SCUBE2: variants seen among roughly 807,000 people sequenced by gnomAD.
The protein encoded by SCUBE2 is signal peptide, CUB and EGF-like domain-containing protein 2.
SCUBE2 carries 114 observed loss-of-function variants against 125.9 expected under a neutral mutation model. That is an observed-to-expected ratio of 0.91 (90% CI 0.78 to 1.06). The LOEUF (loss-of-function observed/expected upper bound fraction) is 1.06. Among genes scored for constraint, SCUBE2 ranks in the 50% least tolerant of loss-of-function variants. The probability of loss-of-function intolerance (pLI) is 0.00; values close to 1 mark genes in which losing one functional copy is unlikely to be tolerated. For missense variants in SCUBE2, 1,255 were observed against 1,301.8 expected, an observed-to-expected ratio of 0.96 and a Z score of 0.55; for synonymous variants, 459 against 492.9, an observed-to-expected ratio of 0.93 and a Z score of 0.91.
chr11:9,033,654 T>G lies in SCUBE2; in HGVS notation c.2145A>C (p.Pro715=). The change falls in exon 17 of 23, where the codon CCA becomes CCC. Residue 715 remains proline, a synonymous_variant. Transcript: ENST00000649792. The part of the protein sequence containing the change: ...RPGNSGALKT[P]EAWNMSECGG... ...CACATTCAGACATATTCCAAGCTTC[T>G]GGGGTCTTCAGGGCCCCAGAATTTC... The G allele has an allele frequency of 1.2e-6, 2 of 1,614,152 alleles. No homozygotes were observed. Among genetic ancestry groups the G allele is most frequent in the South Asian group, 1.1e-5 (1 of 91,082 alleles).
At position 9,040,551 on chromosome 11, in the gene SCUBE2, CACAGCATGGGTACGT is replaced by C. The variant is rs1857133021; in HGVS notation, c.2003-6770_2003-6756del. 2.1e-4 allele frequency among the ~76,000 whole-genome samples: 5 copies of C among 24,030 alleles called. No individual in the cohort carries two copies. In the South Asian group the frequency reaches 6.8e-3, roughly 33 times the overall value. 15.8% of individuals were successfully genotyped at this position (24,030 alleles called of 152,430 possible). A position where few individuals can be genotyped will look rare whatever the true frequency, so the allele number is the denominator to read the frequency against. ...TATCCCAGGCAGGATGGGGAGGGTA[CACAGCATGGGTACGT>C]AGGAGAAAGGGAGGATTCATATCCC... On this transcript the variant is annotated intron_variant, in intron 16 of 22. Transcript: ENST00000649792.
intron 16 of SCUBE2, among the ~76,000 whole-genome samples, chr11:9,037,081 A>G (rs760079685): frequency 6.6e-6 from 1 of 152,220 alleles, no homozygotes; most frequent in Non-Finnish European, 1.5e-5. Flanking sequence ...TAAACACTAA[A>G]AGGCAACTCT....
chr11:9,060,559 C>A, intron 7 of SCUBE2, 35 bp from the exon 8 acceptor site: 1 of 1,559,880 alleles, frequency 6.4e-7, no homozygotes, highest in South Asian at 1.1e-5. Flanking sequence ...ATTAGCTTCC[C>A]AAAGAAGTGC....
chr11:9,046,020 T>A (rs1433037881), intron 16 of SCUBE2, among the ~76,000 whole-genome samples: 1 of 148,292 alleles, frequency 6.7e-6, no homozygotes, highest in African/African-American at 2.5e-5. Flanking sequence ...TTTTTTTTTT[T>A]TTTTGAGACG....
chr11:9,042,702 T>C (rs1857362279), intron 16 of SCUBE2, among the ~76,000 whole-genome samples: 1 of 152,184 alleles, frequency 6.6e-6, no homozygotes, highest in African/African-American at 2.4e-5. Context: ...CTCCTGCATA[T>C]GAAACAGGGC....
At position 9,069,443 on chromosome 11, in the gene SCUBE2, C is replaced by T; in HGVS notation, c.570G>A (p.Glu190=). The change falls in exon 5 of 23, where the codon GAG becomes GAA. Residue 190 remains glutamate (E), a synonymous_variant. Coordinates refer to ENST00000649792, the MANE Select transcript of SCUBE2 (RefSeq NM_001367977.2). ...CACAGGCGACGCTGCCCCTTGGGGC[C>T]TCCTTGCAGATGTGACTACAGCCGT... ...KDHGCSHICK[E]APRGSVACEC... is the part of the protein sequence containing the mutation. The T allele has an allele frequency of 6.2e-7, 1 of 1,614,258 alleles. No individual in the cohort carries two copies. Among genetic ancestry groups the T allele is most frequent in the African/African-American group, 1.3e-5 (1 of 75,066 alleles).
chr11:9,068,168 T>C (rs948660059), intron 5 of SCUBE2, among the ~76,000 whole-genome samples: 1 of 151,880 alleles, frequency 6.6e-6, no homozygotes, highest in Non-Finnish European at 1.5e-5. Flanking sequence ...AACTGTCCCC[T>C]CATCTCCTAC....
At chr11:9,060,620 A>C in intron 7 of SCUBE2, 96 bp from the exon 8 acceptor site, 28 of 964,472 alleles carry the variant, frequency 2.9e-5, no homozygotes, top group Non-Finnish European at 4.6e-5. Context: ...TGGGGTACTC[A>C]TGGTCATACC....
intron 7 of SCUBE2, 48 bp from the exon 8 acceptor site, chr11:9,060,572 A>G (rs1221023003): frequency 2.0e-6 from 3 of 1,518,618 alleles, no homozygotes; most frequent in Admixed American, 1.7e-5. Context: ...AGAAGTGCTG[A>G]TACAGCTGAC....
rs1855697286 is a variant in SCUBE2, at chr11:9,025,826, T to G, written c.2730A>C (p.Glu910Asp). The G allele has an allele frequency of 1.9e-6, 3 of 1,613,982 alleles. No individual in the cohort carries two copies. Among genetic ancestry groups the G allele is most frequent in the Non-Finnish European group, 2.5e-6 (3 of 1,180,006 alleles). The change falls in exon 21 of 23, where the codon GAA becomes GAC. Residue 910 changes from glutamate to aspartate, a missense_variant. Around this residue, in one of 3 missense-constraint regions of SCUBE2, gnomAD observed 515 missense variants for 515.7 expected, o/e 1.00. Coordinates refer to ENST00000649792, the MANE Select transcript of SCUBE2 (RefSeq NM_001367977.2). ...TGGGGCGTTCGTAGGTCTGGCAGGT[T>G]TCATATGTTGTCACAGAATTGGATG... ...TSSSNSVTTY[E>D]TCQTYERPIA...
At chr11:9,076,936 G>A (rs191173410) in intron 3 of SCUBE2, among the ~76,000 whole-genome samples, 79 of 152,298 alleles carry the variant, frequency 5.2e-4, no homozygotes, top group African/African-American at 1.9e-3. Context: ...AGGTGAGCAG[G>A]AGAGGTCTGT....
chr11:9,048,202 A>G, intron 14 of SCUBE2, 104 bp from the exon 15 acceptor site: 1 of 1,142,264 alleles, frequency 8.8e-7, no homozygotes, highest in Non-Finnish European at 1.2e-6. Context: ...CTCTCAAGGG[A>G]CTAAGTGATT....
At chr11:9,040,891 G>T (rs570738919) in intron 16 of SCUBE2, among the ~76,000 whole-genome samples, 1 of 152,320 alleles carries the variant, frequency 6.6e-6, no homozygotes, top group East Asian at 1.9e-4. Context: ...GACCATGGTT[G>T]ACCCAGGTAA....
intron 20 of SCUBE2, chr11:9,026,056 C>T: frequency 1.9e-6 from 1 of 537,246 alleles, no homozygotes; most frequent in South Asian, 2.5e-5. Context: ...GGGGAGGCTA[C>T]ACCTGAAAGA....
rs1389502277 is a variant in SCUBE2, at chr11:9,046,007, T to C, written c.2002+1349A>G. 6.9e-5 allele frequency among the ~76,000 whole-genome samples: 10 copies of C among 144,054 alleles called. No homozygotes were observed. The East Asian group carries it at 1.2e-3, about 17-fold the overall frequency. The allele number at this position is 144,054 out of a possible 152,430, so 94.5% of individuals were successfully genotyped here. ...CTACTGAGTGTCTTTCTTTCTTTTTTTTTTTTTTTTTTTTTTTGAGACGGA... is the reference window on the plus strand; with the variant it reads ...CTACTGAGTGTCTTTCTTTCTTTTTCTTTTTTTTTTTTTTTTTGAGACGGA... On this transcript the variant is annotated intron_variant, in intron 16 of 22. Transcript: ENST00000649792.
chr11:9,075,156 G>A (rs554366753), intron 3 of SCUBE2, among the ~76,000 whole-genome samples: 170 of 148,704 alleles, frequency 1.1e-3, no homozygotes, highest in African/African-American at 1.5e-3. Flanking sequence ...GCAGCGAGCC[G>A]AGATCATGCC....
chr11:9,064,457 G>T (rs2135673624), intron 7 of SCUBE2: 1 of 138,460 alleles, frequency 7.2e-6, no homozygotes, highest in Non-Finnish European at 1.5e-5. Flanking sequence ...AACAGAGTGA[G>T]ACTCTGTCTT....
chr11:9,027,105 G>A (rs1855830321), intron 20 of SCUBE2: 6 of 494,510 alleles, frequency 1.2e-5, no homozygotes, highest in South Asian at 1.1e-4. Flanking sequence ...GGTCCTTGTG[G>A]AAGAGGGTCC....
chr11:9,053,041 G>A, intron 12 of SCUBE2, 58 bp downstream of exon 12: 1 of 1,444,242 alleles, frequency 6.9e-7, no homozygotes, highest in Non-Finnish European at 9.7e-7. Flanking sequence ...AACACCTGGA[G>A]GCCAGAGAGG....
Sources: gnomAD v4.1 joint callset for allele counts (sites outside exome capture counted in the v4.1 genomes callset) on GRCh38, gnomAD v4.1.1 for gene constraint, gnomAD v4.1.1 regional missense constraint, MANE v1.5 for transcripts, NCBI Gene and HGNC (gene_info 2026-07-23, HGNC 2026-07-21) for gene names.